PLEKHH1: variants seen among roughly 807,000 people sequenced by gnomAD.
PLEKHH1 encodes pleckstrin homology, MyTH4 and FERM domain containing H1, also known as pleckstrin homology domain-containing family H member 1.
PLEKHH1 carries 104 observed loss-of-function variants against 160.0 expected under a neutral mutation model. The ratio of observed to expected loss-of-function variants is 0.65; its 90% confidence interval spans 0.55 to 0.76. The LOEUF (loss-of-function observed/expected upper bound fraction) is 0.76, where lower values mean the gene tolerates loss of function less well. Ranked by LOEUF, PLEKHH1 falls within the 30% of genes least tolerant of loss-of-function variation. PLEKHH1 has a pLI of 0.00. For synonymous variants in PLEKHH1, 619 were observed against 678.4 expected (o/e 0.91, Z 1.36); for missense variants, 1,427 against 1,724.1 (o/e 0.83, Z 3.05).
chr14:67,568,404 A>G (rs2035210265), intron 7 of PLEKHH1, among the ~76,000 whole-genome samples: 1 of 152,114 alleles, frequency 6.6e-6, no homozygotes, highest in African/African-American at 2.4e-5. Context: ...ATGAGAACAC[A>G]TGGACACAGG....
chr14:67,585,872 G>A (rs1566768196), intron 27 of PLEKHH1, 79 bp from the exon 28 acceptor site: 2 of 1,445,406 alleles, frequency 1.4e-6, no homozygotes, highest in Non-Finnish European at 1.9e-6. Flanking sequence ...CCTGTGCCTA[G>A]AAGAGACAGG....
chr14:67,579,557 C>A, intron 21 of PLEKHH1, 164 bp from the exon 22 acceptor site: 1 of 691,300 alleles, frequency 1.4e-6, no homozygotes, highest in Non-Finnish European at 2.4e-6. Context: ...AGCTCACATC[C>A]CTCATGCACT....
At chr14:67,553,802 G>A (rs1240608299) in intron 2 of PLEKHH1, among the ~76,000 whole-genome samples, 1 of 152,204 alleles carries the variant, frequency 6.6e-6, no homozygotes, top group East Asian at 1.9e-4. Flanking sequence ...CCTGAGGACT[G>A]TTTGACTTAG....
Position 67,562,745 on chromosome 14 carries a change from G to A in PLEKHH1, c.1114G>A (p.Glu372Lys), listed in dbSNP as rs1194321934. 1.2e-6 allele frequency: 2 copies of A among 1,613,834 alleles called. No homozygotes were observed. Among genetic ancestry groups the A allele is most frequent in the African/African-American group, 2.7e-5 (2 of 75,038 alleles). The part of the protein sequence containing the change: ...PELESRARSR[E>K]EPEKMEMEEP... ...GCTGGAGTCCCGAGCTAGGTCCCGG[G>A]AGGAACCAGAGAAGATGGAGATGGA... The change falls in exon 7 of 29, where the codon GAG (glutamate) becomes AAG (lysine). Residue 372 changes from glutamate to lysine, a missense_variant. By Grantham distance (56) the Glu-to-Lys change is moderately conservative (BLOSUM62 1). Around this residue, in one of 6 missense-constraint regions of PLEKHH1, gnomAD observed 831 missense variants for 929.2 expected, o/e 0.89. Coordinates refer to ENST00000329153, the MANE Select transcript of PLEKHH1 (RefSeq NM_020715.3).
chr14:67,554,903 G>T (rs1240953152), intron 2 of PLEKHH1, among the ~76,000 whole-genome samples: 1 of 152,226 alleles, frequency 6.6e-6, no homozygotes, highest in South Asian at 2.1e-4. Flanking sequence ...CAGCAAGACA[G>T]AATTTTTACT....
chr14:67,559,402 C>T (rs7141944), intron 4 of PLEKHH1, among the ~76,000 whole-genome samples: 10,236 of 152,238 alleles, frequency 0.067, 450 homozygotes, highest in East Asian at 0.18. Context: ...CCAACCCCTT[C>T]GTGGTGAACA....
At chr14:67,544,741 AT>A (rs1376598627) in intron 2 of PLEKHH1, among the ~76,000 whole-genome samples, 1 of 152,252 alleles carries the variant, frequency 6.6e-6, no homozygotes, top group African/African-American at 2.4e-5. Context: ...AAATGTATTA[AT>A]GGATAGATTA....
At chr14:67,585,490 C>A in intron 26 of PLEKHH1, 78 bp from the exon 27 acceptor site, 1 of 947,596 alleles carries the variant, frequency 1.1e-6, no homozygotes, top group Non-Finnish European at 1.6e-6. Flanking sequence ...CCTGGATGTG[C>A]CTTCTTTCTC....
intron 2 of PLEKHH1, among the ~76,000 whole-genome samples, chr14:67,545,111 T>C (rs1487998700): frequency 1.3e-5 from 2 of 152,218 alleles, no homozygotes; most frequent in Non-Finnish European, 2.9e-5. Flanking sequence ...CTTCCAGACA[T>C]AAGCAATCAA....
In PLEKHH1 at chr14:67,541,986, C is replaced by T. The variant is rs749649717; in HGVS notation, c.119C>T (p.Ala40Val). Residue 40 changes from alanine (A) to valine (V), a missense_variant, in exon 2 of 29, where the codon GCT becomes GTT. Transcript: ENST00000329153. ...LQASKIRELL[A>V]DKMQELEQRL... is the part of the protein sequence containing the mutation. ...GCCAGCAAGATAAGGGAGCTGCTGG[C>T]TGACAAGGTGAGTCCCTCAGAGCAG... 2 of 1,604,796 alleles carry T rather than the reference C, an allele frequency of 1.2e-6. No individual in the cohort carries two copies. The highest frequency in any genetic ancestry group is 1.7e-6 in the Non-Finnish European group (2 of 1,176,114).
intron 7 of PLEKHH1, among the ~76,000 whole-genome samples, chr14:67,567,284 C>T (rs570644377): frequency 2.0e-5 from 3 of 152,236 alleles, no homozygotes; most frequent in East Asian, 1.9e-4. Context: ...CTCAATCTGA[C>T]GGTGTGAGAA....
chr14:67,583,833 C>G lies in PLEKHH1; in HGVS notation c.3519C>G (p.Asp1173Glu). ...AGCATCTTCTCCAGCAGGTCCTAGA[C>G]AGGTTCCACCCCAGGCGCTATAGAC... The part of the protein sequence containing the change: ...KAQHLLQQVL[D>E]RFHPRRYRHG... The change falls in exon 25 of 29, where the codon GAC (aspartate) becomes GAG (glutamate). Residue 1173 changes from aspartate to glutamate, a missense_variant. By Grantham distance (45) the Asp-to-Glu change is conservative (BLOSUM62 2). Around this residue, in one of 6 missense-constraint regions of PLEKHH1, gnomAD observed 436 missense variants for 607.5 expected, o/e 0.72. Coordinates refer to ENST00000329153, the MANE Select transcript of PLEKHH1 (RefSeq NM_020715.3). The G allele has an allele frequency of 6.2e-7, 1 of 1,613,466 alleles. No homozygotes were observed. The highest frequency in any genetic ancestry group is 1.1e-5 in the South Asian group (1 of 90,986).
At position 67,554,767 on chromosome 14, in the gene PLEKHH1, C is replaced by A. The variant is rs1213488895; in HGVS notation, c.127-1058C>A. Among the ~76,000 whole-genome samples the A allele has an allele frequency of 2.0e-5, 3 of 152,174 alleles. 1 individual carries two copies. The highest frequency in any genetic ancestry group is 4.4e-5 in the Non-Finnish European group (3 of 68,032). On this transcript the variant is annotated intron_variant, in intron 2 of 28. Coordinates refer to ENST00000329153, the MANE Select transcript of PLEKHH1 (RefSeq NM_020715.3). ...GTGGGCTCGTGAGCAGCTCTTTAGT[C>A]TTCAGCTTAGGTCTGGTCCCTGAAG... is the stretch of plus-strand genomic sequence containing the variant.
Position 67,572,152 on chromosome 14 carries a change from C to T in PLEKHH1, c.1603C>T (p.Leu535=). The T allele has an allele frequency of 6.2e-7, 1 of 1,607,114 alleles. No homozygotes were observed. Among genetic ancestry groups the T allele is most frequent in the Non-Finnish European group, 8.5e-7 (1 of 1,177,064 alleles). The change falls in exon 11 of 29, where the codon CTG becomes TTG. Residue 535 remains leucine (L), a synonymous_variant. Transcript: ENST00000329153. The part of the protein sequence containing the change: ...AIKRGVSMSS[L]SSEGDYAIPP... ...TCGGCAAGGCGTCTCCATGTCCTCA[C>T]TGAGCTCCGAGGGTGACTACGCCAT...
At chr14:67,539,206 C>G (rs2033867175) in intron 1 of PLEKHH1, among the ~76,000 whole-genome samples, 1 of 152,182 alleles carries the variant, frequency 6.6e-6, no homozygotes, top group Non-Finnish European at 1.5e-5. Flanking sequence ...GCCTCCCGGC[C>G]TTCTCTGAGA....
At position 67,562,363 on chromosome 14, in the gene PLEKHH1, C is replaced by G. The variant is rs1156720779; in HGVS notation, c.732C>G (p.Val244=). ...TGGAGGATTCTAGTTCCAGCACGGTCCATTCTGGGGAAACAGTAGAGGCCA... is the reference window on the plus strand; with the variant it reads ...TGGAGGATTCTAGTTCCAGCACGGTGCATTCTGGGGAAACAGTAGAGGCCA... ...SPLEDSSSST[V]HSGETVEAKP... The change falls in exon 7 of 29, where the codon GTC becomes GTG. Residue 244 remains valine (V), a synonymous_variant. Transcript: ENST00000329153. 1 of 1,613,656 alleles carries G rather than the reference C, an allele frequency of 6.2e-7. No homozygotes were observed. Among genetic ancestry groups the G allele is most frequent in the Non-Finnish European group, 8.5e-7 (1 of 1,179,642 alleles).
At chr14:67,586,873 C>A in intron 28 of PLEKHH1, 2 of 1,519,552 alleles carry the variant, frequency 1.3e-6, no homozygotes, top group Non-Finnish European at 1.8e-6. Context: ...CTGAGAGGAT[C>A]TCCAGACCAA....
chr14:67,569,399 C>T (rs73272328), intron 8 of PLEKHH1, among the ~76,000 whole-genome samples, 183 bp downstream of exon 8: 1,765 of 152,300 alleles, frequency 0.012, 37 homozygotes, highest in African/African-American at 0.041. Flanking sequence ...AAAGGGAAGT[C>T]GTACAGGTTC....
chr14:67,573,765 A>G lies in PLEKHH1; in HGVS notation c.1840-36A>G, dbSNP rs1227155914. ...ATGAGGTGCTCCGGAAAGGCTCCAC[A>G]TTCAGTGGCTCTCCTCTCCAATACT... On this transcript the variant is annotated intron_variant, in intron 12 of 28. Transcript: ENST00000329153. This position sits in a 1 kb window ranked among gnomAD's most constrained non-coding sequence, Gnocchi z 4.8. 5.0e-6 allele frequency: 7 copies of G among 1,389,192 alleles called. No individual in the cohort carries two copies. In the African/African-American group the frequency reaches 5.7e-5, roughly 11 times the overall value. 86.1% of individuals were successfully genotyped at this position (1,389,192 alleles called of 1,614,324 possible). A position where few individuals can be genotyped will look rare whatever the true frequency, so the allele number is the denominator to read the frequency against.
Sources: allele counts gnomAD v4.1 joint callset (sites outside exome capture counted in the v4.1 genomes callset), GRCh38; gene constraint gnomAD v4.1.1; regional missense constraint gnomAD v4.1.1; non-coding constraint Gnocchi (gnomAD v3.1); transcripts MANE v1.5; gene names NCBI Gene and HGNC (gene_info 2026-07-23, HGNC 2026-07-21).